Variants in PDE10A observed in about 807,000 individuals in gnomAD.
The protein encoded by PDE10A is phosphodiesterase 10A, also known as cAMP and cAMP-inhibited cGMP 3',5'-cyclic phosphodiesterase 10A.
In PDE10A, 39 loss-of-function variants were observed where a neutral mutation model predicts 97.7. The ratio of observed to expected loss-of-function variants is 0.40; its 90% CI spans 0.31 to 0.52. The LOEUF is 0.52. PDE10A is among the 20% of genes least tolerant of loss of function. The probability of loss-of-function intolerance (pLI) is 0.56; values close to 1 mark genes in which losing one functional copy is unlikely to be tolerated. For missense variants in PDE10A, 731 were observed against 1,047.8 expected, an observed-to-expected ratio of 0.70 and a Z score of 4.17; for synonymous variants, 371 against 376.8, an observed-to-expected ratio of 0.98 and a Z score of 0.18.
At chr6:165,597,703 T>C (rs1786685720) in intron 1 of PDE10A, among the ~76,000 whole-genome samples, 1 of 152,198 alleles carries the variant, frequency 6.6e-6, no homozygotes, top group Non-Finnish European at 1.5e-5. Flanking sequence ...TTAGTTCTTT[T>C]CCAGATAGCT....
At chr6:165,334,285 C>T (rs774951631) in intron 21 of PDE10A, among the ~76,000 whole-genome samples, 11 of 150,784 alleles carry the variant, frequency 7.3e-5, no homozygotes, top group Non-Finnish European at 1.2e-4. Flanking sequence ...CGCCCTACAG[C>T]GCCGGGCACG....
In PDE10A at chr6:165,336,962, A is replaced by G. The variant is rs567228128; in HGVS notation, c.2977-751T>C. Among the ~76,000 whole-genome samples the G allele has an allele frequency of 9.9e-5, 15 of 152,096 alleles. No individual in the cohort carries two copies. In the East Asian group the frequency reaches 2.7e-3, roughly 28 times the overall value. On this transcript the variant is annotated intron_variant, in intron 20 of 21. Coordinates refer to ENST00000539869, the MANE Select transcript of PDE10A (RefSeq NM_001385079.1). ...TTTCCGCCCTCGTGCTCAGGTTTAC[A>G]GCAGTGCTTTCTGCTTGTCTGTTAC...
chr6:165,785,103 C>T (rs781756062), intron 1 of PDE10A, among the ~76,000 whole-genome samples: 5 of 152,240 alleles, frequency 3.3e-5, no homozygotes, highest in Non-Finnish European at 7.3e-5. Context: ...TTCATCACTG[C>T]TTTGCCTTTT....
chr6:165,688,856 G>A (rs185630894), intron 1 of PDE10A, among the ~76,000 whole-genome samples: 14 of 152,300 alleles, frequency 9.2e-5, no homozygotes, highest in Admixed American at 3.3e-4. Context: ...ATCTGTGTGA[G>A]TGTGTGAGTG....
At chr6:165,745,689 T>G (rs191199897) in intron 1 of PDE10A, among the ~76,000 whole-genome samples, 1 of 152,358 alleles carries the variant, frequency 6.6e-6, no homozygotes, top group East Asian at 1.9e-4. Context: ...CTGTTCCTTT[T>G]TTAAAGGTTT....
rs368798431 is a variant in PDE10A at position 165,388,027 on chromosome 6, ATAAG to A, written c.2610+267_2610+270del. Among the ~76,000 whole-genome samples the A allele has an allele frequency of 6.6e-6, 1 of 152,340 alleles. No homozygotes were observed. Among genetic ancestry groups the A allele is most frequent in the East Asian group, 1.9e-4 (1 of 5,190 alleles). ...AATTAATTGATTTAAACTATGTAAA[ATAAG>A]TATTGCTTTAGGGTTACAGGTACTT... On this transcript the variant is annotated intron_variant, in intron 17 of 21. Transcript: ENST00000539869. This position sits in a 1 kb window ranked among gnomAD's most constrained non-coding sequence, Gnocchi z 4.0.
Position 165,949,178 on chromosome 6 carries a change from T to A in PDE10A, c.-615+38351A>T, listed in dbSNP as rs776656505. On this transcript the variant is annotated intron_variant, in intron 1 of 19. Coordinates refer to the PDE10A transcript ENST00000366882. ...TGGGGATATAGGCTCCATGGCAAGA[T>A]GAAATCAGTTAAACATCACGATTAA... The A allele has an allele frequency of 9.2e-5, 14 of 152,252 alleles. No homozygotes were observed. In the South Asian group the frequency reaches 1.0e-3, roughly 11 times the overall value. 9.4% of individuals were successfully genotyped at this position (152,252 alleles called of 1,614,324 possible). A position where few individuals can be genotyped will look rare whatever the true frequency, so the allele number is the denominator to read the frequency against.
At chr6:165,367,772 G>A (rs562613444) in intron 18 of PDE10A, among the ~76,000 whole-genome samples, 35 of 149,664 alleles carry the variant, frequency 2.3e-4, no homozygotes, top group South Asian at 4.2e-4. Flanking sequence ...TTTAAAAAGC[G>A]AAGCCACAAT....
At chr6:165,575,684 A>G (rs73022127) in intron 1 of PDE10A, among the ~76,000 whole-genome samples, 35 of 152,330 alleles carry the variant, frequency 2.3e-4, no homozygotes, top group Admixed American at 7.2e-4. Flanking sequence ...TTCTTTCACC[A>G]TCAAAGTCAA....
chr6:165,929,001 A>G (rs976129265), intron 1 of PDE10A, among the ~76,000 whole-genome samples: 7 of 152,182 alleles, frequency 4.6e-5, no homozygotes, highest in Non-Finnish European at 4.4e-5. Context: ...CTCTTCCCCC[A>G]GAAGCTGTGT....
intron 2 of PDE10A, among the ~76,000 whole-genome samples, chr6:165,541,072 C>G (rs1264874798): frequency 6.6e-6 from 1 of 152,162 alleles, no homozygotes; most frequent in Admixed American, 6.5e-5. Flanking sequence ...GAGATACATT[C>G]TTTTGATAAA....
At chr6:165,860,065 T>A (rs981768348) in intron 1 of PDE10A, among the ~76,000 whole-genome samples, 2 of 152,190 alleles carry the variant, frequency 1.3e-5, no homozygotes, top group Admixed American at 1.3e-4. Flanking sequence ...GGCAGAGGGA[T>A]AAAAGGCTAC....
At chr6:165,734,579 A>G (rs996639779) in intron 1 of PDE10A, among the ~76,000 whole-genome samples, 2 of 152,262 alleles carry the variant, frequency 1.3e-5, no homozygotes, top group African/African-American at 4.8e-5. Flanking sequence ...ATAAAAATAC[A>G]GTTACTAAAA....
intron 18 of PDE10A, among the ~76,000 whole-genome samples, chr6:165,345,287 A>G (rs2128182376): frequency 6.6e-6 from 1 of 152,348 alleles, no homozygotes; most frequent in Non-Finnish European, 1.5e-5. Context: ...CCCAACATAA[A>G]GTTGCCAATA....
chr6:165,808,008 T>C (rs1779184063), intron 1 of PDE10A, among the ~76,000 whole-genome samples: 1 of 152,146 alleles, frequency 6.6e-6, no homozygotes, highest in Non-Finnish European at 1.5e-5. Context: ...CAGAATCCCT[T>C]TGGGAAGCCT....
At chr6:165,974,301 C>A (rs1007712196) in intron 1 of PDE10A, among the ~76,000 whole-genome samples, 45 of 152,326 alleles carry the variant, frequency 3.0e-4, no homozygotes, top group South Asian at 2.1e-4. Context: ...AAACAAATCT[C>A]TTCTCTAGAA....
rs981406720 is a variant in PDE10A, at chr6:165,789,313, T to G, written c.-615+198216A>C. 5.3e-5 allele frequency among the ~76,000 whole-genome samples: 8 copies of G among 152,224 alleles called. 1 individual carries two copies. Among genetic ancestry groups the G allele is most frequent in the Non-Finnish European group, 1.2e-4 (8 of 68,034 alleles). Reference sequence around the variant, plus strand: ...CAGATTTGTACAAACATATTAGAACTTCACAAGTCTTAAACTTTGCCAGAG... The same window carrying G: ...CAGATTTGTACAAACATATTAGAACGTCACAAGTCTTAAACTTTGCCAGAG... On this transcript the variant is annotated intron_variant, in intron 1 of 19. Coordinates refer to the PDE10A transcript ENST00000366882.
chr6:165,396,472 TCCAAAAAAAAAACCC>T lies in PDE10A; in HGVS notation c.2077-28_2077-14del. 1 of 1,577,292 alleles carries T rather than the reference TCCAAAAAAAAAACCC, an allele frequency of 6.3e-7. No homozygotes were observed. The highest frequency in any genetic ancestry group is 1.2e-5 in the South Asian group (1 of 84,804). On this transcript the variant is annotated splice_polypyrimidine_tract_variant and intron_variant, in intron 13 of 21. Transcript: ENST00000539869. ...TTCTATGATACATCTAGAAGGCAAA[TCCAAAAAAAAAACCC>T]CCAAAATTAAAAGAATATTTAAACT...
At chr6:165,987,976 C>CGTGTGTGTGTGT (rs149079607), upstream of PDE10A, 1 of 257,494 alleles carries the variant, frequency 3.9e-6, no homozygotes, top group African/African-American at 2.2e-5. Flanking sequence ...TGTGTGCGTG[C>CGTGTGTGTGTGT]GTGTGTGTGT....
Sources: allele counts gnomAD v4.1 joint callset (sites outside exome capture counted in the v4.1 genomes callset), GRCh38; gene constraint gnomAD v4.1.1; non-coding constraint Gnocchi (gnomAD v3.1); transcripts MANE v1.5; gene names NCBI Gene and HGNC (gene_info 2026-07-23, HGNC 2026-07-21).